Variants in XPNPEP1 observed in about 807,000 individuals in gnomAD.
XPNPEP1 encodes xaa-Pro aminopeptidase 1.
A neutral mutation model predicts 92.4 loss-of-function variants in XPNPEP1; 39 were observed. The observed-to-expected ratio is 0.42, with a 90% CI of 0.33 to 0.55. XPNPEP1 has a LOEUF of 0.55. Among genes scored for constraint, XPNPEP1 ranks in the 20% least tolerant of loss-of-function variants. XPNPEP1 has a pLI of 0.08. For synonymous variants in XPNPEP1, 307 were observed against 299.4 expected (o/e 1.03, Z -0.26); for missense variants, 654 against 856.1 (o/e 0.76, Z 2.95).
At position 109,888,509 on chromosome 10, in the gene XPNPEP1, G is replaced by A. The variant is rs781523374; in HGVS notation, c.502C>T (p.Pro168Ser). The part of the protein sequence containing the change: ...SRVGVDPLII[P>S]TDYWKKMAKV... The stretch of plus-strand genomic sequence containing the variant: ...AGGGACCAAGCTCACTTACCTGTAG[G>A]AATGATCAAGGGGTCCACACCAACC... The change falls in exon 6 of 21, where the codon CCT becomes TCT. Residue 168 changes from proline to serine, a missense_variant. Transcript: ENST00000502935. 5 of 1,610,132 alleles carry A rather than the reference G, an allele frequency of 3.1e-6. No individual in the cohort carries two copies. The highest frequency in any genetic ancestry group is 4.2e-6 in the Non-Finnish European group (5 of 1,177,948).
At chr10:109,902,955 G>A (rs1337442082) in intron 3 of XPNPEP1, among the ~76,000 whole-genome samples, 1 of 152,206 alleles carries the variant, frequency 6.6e-6, no homozygotes, top group Non-Finnish European at 1.5e-5. Flanking sequence ...ATTGCTTCGG[G>A]TGTAATAGGC....
intron 3 of XPNPEP1, among the ~76,000 whole-genome samples, chr10:109,901,573 TTAAG>T (rs1849292086): frequency 6.6e-6 from 1 of 152,238 alleles, no homozygotes; most frequent in South Asian, 2.1e-4. Flanking sequence ...AGTTCACACT[TTAAG>T]TAAACTTACA....
intron 1 of XPNPEP1, among the ~76,000 whole-genome samples, chr10:109,915,638 C>G (rs527506725): frequency 6.6e-6 from 1 of 152,206 alleles, no homozygotes; most frequent in African/African-American, 2.4e-5. Flanking sequence ...TCAATAGAGG[C>G]TATTTATCTA....
At chr10:109,921,211 C>T (rs986344524) in intron 1 of XPNPEP1, among the ~76,000 whole-genome samples, 3 of 152,158 alleles carry the variant, frequency 2.0e-5, no homozygotes, top group African/African-American at 7.2e-5. Context: ...AACTCAATTC[C>T]CTCCTCTAGA....
chr10:109,904,458 T>C (rs567269604), intron 3 of XPNPEP1, among the ~76,000 whole-genome samples: 1 of 152,000 alleles, frequency 6.6e-6, no homozygotes, highest in South Asian at 2.1e-4. Flanking sequence ...CATGAAACAC[T>C]AGAGTCTCCC....
At chr10:109,916,692 C>T (rs1252277957) in intron 1 of XPNPEP1, among the ~76,000 whole-genome samples, 6 of 151,910 alleles carry the variant, frequency 3.9e-5, no homozygotes, top group Non-Finnish European at 5.9e-5. Flanking sequence ...AGTAAGACAC[C>T]CCAATATGTC....
rs758200161 is a variant in XPNPEP1 at position 109,907,736 on chromosome 10, G to C, written c.201C>G (p.Thr67=). 6.2e-7 allele frequency: 1 copy of C among 1,614,198 alleles called. No homozygotes were observed. The highest frequency in any genetic ancestry group is 8.5e-7 in the Non-Finnish European group (1 of 1,180,034). Residue 67 remains threonine (T), a synonymous_variant, in exon 3 of 21, where the codon ACC becomes ACG. Coordinates refer to ENST00000502935, the MANE Select transcript of XPNPEP1 (RefSeq NM_020383.4). ...GGATGATGTAGGCCTGGATCGGTTC[G>C]GTCACATACTCAGAGTTCCTCATGG... is the stretch of plus-strand genomic sequence containing the variant. ...RQAMRNSEYV[T]EPIQAYIIPS... is the part of the protein sequence containing the mutation.
At chr10:109,898,424 A>C (rs1195539532) in intron 3 of XPNPEP1, among the ~76,000 whole-genome samples, 2 of 152,246 alleles carry the variant, frequency 1.3e-5, no homozygotes, top group Admixed American at 6.5e-5. Context: ...ACTAATAAAC[A>C]GCCATATAAA....
chr10:109,923,470 G>A lies in XPNPEP1; in HGVS notation c.-37C>T, dbSNP rs1187608630. The A allele has an allele frequency of 5.8e-6, 8 of 1,384,404 alleles. No homozygotes were observed. In the Admixed American group the frequency reaches 1.6e-4, roughly 28 times the overall value. The allele number at this position is 1,384,404 out of a possible 1,614,324, so 85.8% of individuals were successfully genotyped here. A position where few individuals can be genotyped will look rare whatever the true frequency, so the allele number is the denominator to read the frequency against. ...GTGCCCCAGCCCACGTCAGGGGAGC[G>A]CAGACCAGCTGATCACCCGCGGAAG... is the stretch of plus-strand genomic sequence containing the variant. On this transcript the variant is annotated 5_prime_UTR_variant, in exon 1 of 21. Transcript: ENST00000502935.
intron 2 of XPNPEP1, among the ~76,000 whole-genome samples, chr10:109,909,845 G>C (rs1849764295): frequency 6.6e-6 from 1 of 152,090 alleles, no homozygotes; most frequent in South Asian, 2.1e-4. Flanking sequence ...AGAAAATACA[G>C]AGTTCCCATG....
intron 2 of XPNPEP1, among the ~76,000 whole-genome samples, chr10:109,908,607 C>T (rs1171621936): frequency 6.6e-6 from 1 of 151,908 alleles, no homozygotes; most frequent in Non-Finnish European, 1.5e-5. Context: ...TCTCAAAAAA[C>T]AAAACAAAAC....
At chr10:109,883,920 A>T in intron 9 of XPNPEP1, 147 bp downstream of exon 9, 1 of 735,184 alleles carries the variant, frequency 1.4e-6, no homozygotes, top group South Asian at 2.0e-5. Context: ...GCTAAGGAAA[A>T]CAAGAAGGGA....
chr10:109,877,938 C>A (rs1349756710), intron 13 of XPNPEP1, 62 bp downstream of exon 13: 3 of 1,614,144 alleles, frequency 1.9e-6, no homozygotes, highest in Non-Finnish European at 2.5e-6. Context: ...GCCCTTCCAG[C>A]CTCATTCAAC....
Position 109,892,947 on chromosome 10 carries a change from C to T in XPNPEP1, c.310+65G>A, listed in dbSNP as rs1848779323. On this transcript the variant is annotated intron_variant, in intron 4 of 20. Transcript: ENST00000502935. ...TGCTTCTATATCACAGGCTGAAACT[C>T]GGTTCAGTTATTTTTAGGAGGCGAA... 5 of 1,520,172 alleles carry T rather than the reference C, an allele frequency of 3.3e-6. No homozygotes were observed. The South Asian group carries it at 3.5e-5, about 11-fold the overall frequency. The allele number at this position is 1,520,172 out of a possible 1,614,324, so 94.2% of individuals were successfully genotyped here.
chr10:109,916,081 C>A (rs988116803), intron 1 of XPNPEP1, among the ~76,000 whole-genome samples: 1 of 152,020 alleles, frequency 6.6e-6, no homozygotes, highest in African/African-American at 2.4e-5. Context: ...AACAAGTACA[C>A]AATACGTCAA....
At chr10:109,882,864 C>G (rs1848183268) in intron 9 of XPNPEP1, among the ~76,000 whole-genome samples, 1 of 152,162 alleles carries the variant, frequency 6.6e-6, no homozygotes, top group South Asian at 2.1e-4. Context: ...TCCTCCTTCA[C>G]TGATGACCCT....
intron 15 of XPNPEP1, 140 bp from the exon 16 acceptor site, chr10:109,873,567 G>C (rs1847607894): frequency 2.2e-6 from 2 of 910,124 alleles, no homozygotes; most frequent in South Asian, 3.0e-5. Context: ...TTTGCAAATA[G>C]TTCGCAGTTC....
At chr10:109,915,568 C>T (rs1850139581) in intron 1 of XPNPEP1, among the ~76,000 whole-genome samples, 2 of 151,614 alleles carry the variant, frequency 1.3e-5, no homozygotes, top group African/African-American at 4.8e-5. Flanking sequence ...GGTCTGCTGC[C>T]TCTCCCTCTT....
At position 109,865,238 on chromosome 10, in the gene XPNPEP1, C is replaced by T. The variant is rs764262356; in HGVS notation, c.1947G>A (p.Gln649=). ...CTCTGATGAGCCACTCGAGAGCTTC[C>T]TGGCGGCCCTGTTTCTGCAATTCCT... The part of the protein sequence containing the change: ...IGKELQKQGR[Q]EALEWLIRET... The change falls in exon 21 of 21, where the codon CAG becomes CAA. Residue 649 remains glutamine (Q), a synonymous_variant. Coordinates refer to ENST00000502935, the MANE Select transcript of XPNPEP1 (RefSeq NM_020383.4). 6.2e-7 allele frequency: 1 copy of T among 1,614,200 alleles called. No homozygotes were observed. Among genetic ancestry groups the T allele is most frequent in the South Asian group, 1.1e-5 (1 of 91,088 alleles).
Sources: gnomAD v4.1 joint callset for allele counts (sites outside exome capture counted in the v4.1 genomes callset) on GRCh38, gnomAD v4.1.1 for gene constraint, MANE v1.5 for transcripts, NCBI Gene and HGNC (gene_info 2026-07-23, HGNC 2026-07-21) for gene names.